ZYG11A: variants seen among roughly 807,000 people sequenced by gnomAD.
ZYG11A encodes the protein zyg-11 family member A, cell cycle regulator, also known as protein zyg-11 homolog A.
A neutral mutation model predicts 77.2 loss-of-function variants in ZYG11A; 62 were observed. The observed-to-expected ratio is 0.80, with a 90% CI of 0.65 to 0.99. The LOEUF is 0.99. Ranked by LOEUF, ZYG11A falls within the 50% of genes least tolerant of loss-of-function variation. The pLI, the probability that ZYG11A is intolerant of heterozygous loss-of-function variation, is 0.00. For missense variants in ZYG11A, 828 were observed against 896.8 expected (o/e 0.92, Z 0.98); for synonymous variants, 315 against 324.6 (o/e 0.97, Z 0.32).
intron 1 of ZYG11A, among the ~76,000 whole-genome samples, chr1:52,850,207 G>A (rs1438915567): frequency 6.6e-6 from 1 of 151,920 alleles, no homozygotes; most frequent in Non-Finnish European, 1.5e-5. Flanking sequence ...CTGGAGTGCA[G>A]TGGCACAATC....
chr1:52,847,440 T>TCGGCC (rs1223908795), intron 1 of ZYG11A, among the ~76,000 whole-genome samples: 2 of 152,028 alleles, frequency 1.3e-5, no homozygotes, highest in Non-Finnish European at 2.9e-5. Context: ...CCTCAGGTGA[T>TCGGCC]CGGCCCGCCT....
rs1465374326 is a variant in ZYG11A at position 52,879,137 on chromosome 1, C to T, written c.1749+1168C>T. Among the ~76,000 whole-genome samples the T allele has an allele frequency of 2.0e-5, 3 of 152,044 alleles. No individual in the cohort carries two copies. The South Asian group carries it at 6.2e-4, about 31-fold the overall frequency. ...AAGGTATTCTACAATTGAGAAATTT[C>T]TTCATTTCCTAAAGCTAAAGGTGAA... On this transcript the variant is annotated intron_variant, in intron 10 of 13. Coordinates refer to ENST00000371528, the MANE Select transcript of ZYG11A (RefSeq NM_001004339.3).
At position 52,894,022 on chromosome 1, in the gene ZYG11A, A is replaced by G. The variant is rs1020290317; in HGVS notation, c.*1065A>G. 1 of 151,924 alleles carries G rather than the reference A, an allele frequency of 6.6e-6. No individual in the cohort carries two copies. Among genetic ancestry groups the G allele is most frequent in the Admixed American group, 6.6e-5 (1 of 15,244 alleles). The allele number at this position is 151,924 out of a possible 1,614,324, so 9.4% of individuals were successfully genotyped here. ...GAGACAGGGTTTCACCATATTGGTC[A>G]GGCTGGTCTCGACCTCCTGACCTCG... On this transcript the variant is annotated 3_prime_UTR_variant, in exon 14 of 14. Coordinates refer to ENST00000371528, the MANE Select transcript of ZYG11A (RefSeq NM_001004339.3).
intron 11 of ZYG11A, among the ~76,000 whole-genome samples, chr1:52,883,283 AAC>A (rs1646391278): frequency 6.7e-6 from 1 of 150,250 alleles, no homozygotes; most frequent in South Asian, 2.1e-4. Context: ...CACCTGTAAA[AAC>A]ACAATAATTG....
intron 2 of ZYG11A, among the ~76,000 whole-genome samples, chr1:52,854,954 G>A (rs551918947): frequency 6.2e-4 from 94 of 151,568 alleles, no homozygotes; most frequent in African/African-American, 2.2e-3. Flanking sequence ...TGCAGCCTCC[G>A]CCTGGGTTTA....
chr1:52,865,491 G>A (rs1452992952), intron 5 of ZYG11A, among the ~76,000 whole-genome samples: 1 of 152,074 alleles, frequency 6.6e-6, no homozygotes, highest in Non-Finnish European at 1.5e-5. Context: ...ATAAATGAAA[G>A]CATGTATCCA....
At chr1:52,885,129 CA>C (rs1004458109) in intron 11 of ZYG11A, among the ~76,000 whole-genome samples, 1 of 151,994 alleles carries the variant, frequency 6.6e-6, no homozygotes, top group South Asian at 2.1e-4. Flanking sequence ...AGGCTGGTCT[CA>C]AACTCCTGAC....
intron 13 of ZYG11A, 80 bp from the exon 14 acceptor site, chr1:52,892,702 T>TG: frequency 4.8e-6 from 6 of 1,238,074 alleles, no homozygotes; most frequent in Non-Finnish European, 5.7e-6. Context: ...TATTGTTTCT[T>TG]CAGCAAGGTG....
At position 52,860,872 on chromosome 1, in the gene ZYG11A, G is replaced by A. The variant is rs1440927079; in HGVS notation, c.1149+1G>A. On this transcript the variant is annotated splice_donor_variant, in intron 4 of 13. Coordinates refer to ENST00000371528, the MANE Select transcript of ZYG11A (RefSeq NM_001004339.3). LOFTEE classifies it high-confidence loss of function. ...GGTAACCATGCCTGCTATTTTAAAG[G>A]TAATTGAAGGAAGACAATTTTTACT... 6.5e-7 allele frequency: 1 copy of A among 1,548,730 alleles called. No individual in the cohort carries two copies. Among genetic ancestry groups the A allele is most frequent in the Non-Finnish European group, 8.7e-7 (1 of 1,146,306 alleles).
At chr1:52,866,458 G>C in intron 5 of ZYG11A, 45 bp from the exon 6 acceptor site, 1 of 1,081,800 alleles carries the variant, frequency 9.2e-7, no homozygotes, top group Non-Finnish European at 1.4e-6. Context: ...GTTTAGAATG[G>C]AATGTTACAT....
At chr1:52,846,346 ATATATATATATATATATATATT>A (rs1558155849) in intron 1 of ZYG11A, among the ~76,000 whole-genome samples, 10 of 90,286 alleles carry the variant, frequency 1.1e-4, no homozygotes, top group African/African-American at 7.3e-4. Flanking sequence ...ATATATATAT[ATATATATATATATATATATATT>A]TTGAAACAGA....
intron 1 of ZYG11A, among the ~76,000 whole-genome samples, chr1:52,853,788 G>A (rs1645758095): frequency 6.6e-6 from 1 of 152,116 alleles, no homozygotes; most frequent in Admixed American, 6.6e-5. Flanking sequence ...TGGGCTTGTA[G>A]TCCCAGTTAC....
At chr1:52,876,892 TG>T (rs1333215797) in intron 8 of ZYG11A, among the ~76,000 whole-genome samples, 3 of 152,222 alleles carry the variant, frequency 2.0e-5, no homozygotes, top group Admixed American at 6.5e-5. Flanking sequence ...TCCTCTCACA[TG>T]ACAGTCTGAT....
intron 12 of ZYG11A, among the ~76,000 whole-genome samples, chr1:52,886,466 T>C (rs143135000): frequency 6.6e-6 from 1 of 152,258 alleles, no homozygotes; most frequent in East Asian, 1.9e-4. Context: ...ATAGCTTCAT[T>C]GTATGCTCGG....
At chr1:52,865,652 T>C (rs1256110103) in intron 5 of ZYG11A, among the ~76,000 whole-genome samples, 1 of 152,182 alleles carries the variant, frequency 6.6e-6, no homozygotes, top group Non-Finnish European at 1.5e-5. Context: ...AGTACTGATA[T>C]CTGCAGTGTA....
chr1:52,860,955 A>T, intron 4 of ZYG11A, 84 bp downstream of exon 4: 4 of 1,286,900 alleles, frequency 3.1e-6, no homozygotes, highest in South Asian at 1.4e-5. Flanking sequence ...GAATATAATA[A>T]ATTATATGCT....
At chr1:52,871,904 A>G (rs1391711177) in intron 8 of ZYG11A, among the ~76,000 whole-genome samples, 2 of 152,166 alleles carry the variant, frequency 1.3e-5, no homozygotes, top group African/African-American at 4.8e-5. Flanking sequence ...GAGTATGTTT[A>G]TTCAAGTCTT....
chr1:52,877,330 G>A (rs1237234473), intron 8 of ZYG11A, among the ~76,000 whole-genome samples: 1 of 152,060 alleles, frequency 6.6e-6, no homozygotes, highest in Non-Finnish European at 1.5e-5. Context: ...GCCAACTTTT[G>A]TTCTGTCTGC....
chr1:52,857,035 C>A lies in ZYG11A; in HGVS notation c.294C>A (p.Gly98=). The A allele has an allele frequency of 1.3e-6, 2 of 1,546,018 alleles. No homozygotes were observed. The highest frequency in any genetic ancestry group is 2.4e-5 in the South Asian group (2 of 83,462). ...LTDRTASIFR[G]NQMKLKLVNI... is the part of the protein sequence containing the mutation. Reference sequence around the variant, plus strand: ...ACAGAACAGCCAGCATTTTCCGAGGCAACCAAATGAAACTGAAGCTGGTCA... The same window carrying A: ...ACAGAACAGCCAGCATTTTCCGAGGAAACCAAATGAAACTGAAGCTGGTCA... The change falls in exon 3 of 14, where the codon GGC becomes GGA. Residue 98 remains glycine (G), a synonymous_variant. Transcript: ENST00000371528.
Sources: allele counts gnomAD v4.1 joint callset (sites outside exome capture counted in the v4.1 genomes callset), GRCh38; gene constraint gnomAD v4.1.1; transcripts MANE v1.5; gene names NCBI Gene and HGNC (gene_info 2026-07-23, HGNC 2026-07-21).